The following DPY19L4 variants were observed in gnomAD, a reference collection of about 807,000 sequenced individuals.
DPY19L4 encodes probable C-mannosyltransferase DPY19L4.
In DPY19L4, 97 loss-of-function variants were observed where a neutral mutation model predicts 102.8. That is an observed-to-expected ratio of 0.94 (90% CI 0.80 to 1.12). The LOEUF is 1.12. Ranked by LOEUF, DPY19L4 falls within the 50% of genes most tolerant of loss-of-function variation. The pLI is 0.00. For missense variants in DPY19L4, 815 were observed against 850.4 expected, an observed-to-expected ratio of 0.96 and a Z score of 0.52; for synonymous variants, 252 against 283.1, an observed-to-expected ratio of 0.89 and a Z score of 1.10.
rs371429814 is a variant in DPY19L4, at chr8:94,740,258, A to G, written c.611+468A>G. The stretch of plus-strand genomic sequence containing the variant: ...AATTTGTGTTGTTTTATGCCACTAT[A>G]TGCAAAAATTGAGACATAATATGCC... On this transcript the variant is annotated intron_variant, in intron 6 of 18. Transcript: ENST00000414645. Among the ~76,000 whole-genome samples the G allele has an allele frequency of 7.9e-5, 12 of 152,280 alleles. No individual in the cohort carries two copies. In the South Asian group the frequency reaches 2.5e-3, roughly 32 times the overall value.
chr8:94,773,871 C>CAAA (rs71273373), intron 13 of DPY19L4, among the ~76,000 whole-genome samples: 8,583 of 70,282 alleles, frequency 0.12, 871 homozygotes, highest in Non-Finnish European at 0.17. Flanking sequence ...CCCATCTCTA[C>CAAA]AAAAAAAAAA....
In DPY19L4 at chr8:94,791,637, AAAGTCAGC is replaced by A. The variant is rs1409976248; in HGVS notation, c.*1728_*1735del. 1 of 152,064 alleles carries A rather than the reference AAAGTCAGC, an allele frequency of 6.6e-6. No homozygotes were observed. Among genetic ancestry groups the A allele is most frequent in the African/African-American group, 2.4e-5 (1 of 41,346 alleles). 9.4% of individuals were successfully genotyped at this position (152,064 alleles called of 1,614,324 possible). ...AGAGCATGTAAAACAATGTAATTGA[AAAGTCAGC>A]TTCCATATTTTGTAGGGGAAATAGA... On this transcript the variant is annotated 3_prime_UTR_variant, in exon 19 of 19. Coordinates refer to ENST00000414645, the MANE Select transcript of DPY19L4 (RefSeq NM_181787.3).
chr8:94,738,442 C>T lies in DPY19L4; in HGVS notation c.326C>T (p.Ala109Val). The T allele has an allele frequency of 6.5e-7, 1 of 1,549,598 alleles. No individual in the cohort carries two copies. The highest frequency in any genetic ancestry group is 8.7e-7 in the Non-Finnish European group (1 of 1,149,426). ...YYSYYKDMLKAPSFERGVYEL... is the reference protein window; with the variant it reads ...YYSYYKDMLKVPSFERGVYEL... ...TCCTATTATAAAGATATGTTAAAGG[C>T]ACCTTCATTTGAAAGAGGTATGATA... Residue 109 changes from alanine to valine, a missense_variant, in exon 4 of 19, where the codon GCA becomes GTA. Ala to Val is a moderately conservative substitution (Grantham distance 64). Coordinates refer to ENST00000414645, the MANE Select transcript of DPY19L4 (RefSeq NM_181787.3).
chr8:94,777,587 A>T, intron 13 of DPY19L4, 79 bp from the exon 14 acceptor site: 1 of 1,509,128 alleles, frequency 6.6e-7, no homozygotes, highest in Non-Finnish European at 8.9e-7. Flanking sequence ...GAGTAGTAGG[A>T]AAGAGCTCAG....
At chr8:94,724,590 T>G (rs2130781538) in intron 1 of DPY19L4, among the ~76,000 whole-genome samples, 1 of 152,274 alleles carries the variant, frequency 6.6e-6, no homozygotes, top group Non-Finnish European at 1.5e-5. Flanking sequence ...TTTTTTTGTT[T>G]TGTTTCGTTT....
chr8:94,727,265 G>T lies in DPY19L4; in HGVS notation c.127+824G>T, dbSNP rs532522538. Among the ~76,000 whole-genome samples the T allele has an allele frequency of 6.6e-5, 10 of 152,256 alleles. No individual in the cohort carries two copies. The South Asian group carries it at 1.9e-3, about 28-fold the overall frequency. ...TGATTGATTTTTGAGACAGAGTCTC[G>T]CTCTGTCACCCAGGCTGGAGTGCAG... On this transcript the variant is annotated intron_variant, in intron 2 of 18. Transcript: ENST00000414645.
In DPY19L4 at chr8:94,780,416, G is replaced by T. The variant is rs757863044; in HGVS notation, c.1632+1G>T. 8.0e-5 allele frequency: 116 copies of T among 1,449,316 alleles called. No individual in the cohort carries two copies. Among genetic ancestry groups the T allele is most frequent in the Middle Eastern group, 2.3e-4 (1 of 4,414 alleles). 89.8% of individuals were successfully genotyped at this position (1,449,316 alleles called of 1,614,324 possible). A position where few individuals can be genotyped will look rare whatever the true frequency, so the allele number is the denominator to read the frequency against. On this transcript the variant is annotated splice_donor_variant, in intron 15 of 18. Transcript: ENST00000414645. LOFTEE classifies it high-confidence loss of function. Reference sequence around the variant, plus strand: ...AATAGGTCTCAGCTTATGGAAAGAGGTAAAAAAATTAGATTTTTATATTAA... The same window carrying T: ...AATAGGTCTCAGCTTATGGAAAGAGTTAAAAAAATTAGATTTTTATATTAA...
At chr8:94,773,815 A>G (rs1468651990) in intron 13 of DPY19L4, among the ~76,000 whole-genome samples, 2 of 146,168 alleles carry the variant, frequency 1.4e-5, no homozygotes, top group Admixed American at 7.2e-5. Context: ...GCAGATGATC[A>G]CTTGAGCCCA....
intron 6 of DPY19L4, among the ~76,000 whole-genome samples, chr8:94,742,620 G>A (rs559220070): frequency 9.5e-5 from 14 of 147,476 alleles, no homozygotes; most frequent in Admixed American, 4.1e-4. Flanking sequence ...GTGCAGTGGC[G>A]CGATCTTGGC....
At chr8:94,721,495 C>T (rs1033616375) in intron 1 of DPY19L4, among the ~76,000 whole-genome samples, 2 of 152,122 alleles carry the variant, frequency 1.3e-5, no homozygotes, top group African/African-American at 4.8e-5. Context: ...GAATGTAATT[C>T]CATTTGTTTA....
chr8:94,749,836 T>C lies in DPY19L4; in HGVS notation c.612-6200T>C, dbSNP rs78294092. Among the ~76,000 whole-genome samples, 8 of 152,338 alleles carry C rather than the reference T, an allele frequency of 5.3e-5. No homozygotes were observed. In the East Asian group the frequency reaches 1.5e-3, roughly 29 times the overall value. ...AAGACATCATGTTCATTAAATGGTA[T>C]TGGGACAACCAAATCTGGAAAATAA... is the stretch of plus-strand genomic sequence containing the variant. On this transcript the variant is annotated intron_variant, in intron 6 of 18. Coordinates refer to ENST00000414645, the MANE Select transcript of DPY19L4 (RefSeq NM_181787.3).
At chr8:94,769,680 C>T (rs550627543) in intron 12 of DPY19L4, among the ~76,000 whole-genome samples, 1 of 151,412 alleles carries the variant, frequency 6.6e-6, no homozygotes, top group Admixed American at 6.6e-5. Flanking sequence ...AGTGAGACCC[C>T]CGTCTCTTAA....
At chr8:94,735,596 C>A (rs1323313330) in intron 3 of DPY19L4, among the ~76,000 whole-genome samples, 1 of 152,178 alleles carries the variant, frequency 6.6e-6, no homozygotes, top group Non-Finnish European at 1.5e-5. Context: ...GTGGGACAGG[C>A]TGCGATCAGT....
chr8:94,757,630 G>A (rs1226023802), intron 7 of DPY19L4, among the ~76,000 whole-genome samples: 7 of 151,730 alleles, frequency 4.6e-5, no homozygotes, highest in Non-Finnish European at 7.4e-5. Context: ...GTCTGGCCTC[G>A]AACTCCTGAA....
chr8:94,726,290 AT>A lies in DPY19L4; in HGVS notation c.17-37del, dbSNP rs780352450. ...TTGGCTCAGGATACAGATTAAAACA[AT>A]TTTATACACACATTGCAATAATGTC... On this transcript the variant is annotated intron_variant, in intron 1 of 18. Transcript: ENST00000414645. 4 of 1,542,506 alleles carry A rather than the reference AT, an allele frequency of 2.6e-6. No homozygotes were observed. In the African/African-American group the frequency reaches 4.2e-5, roughly 16 times the overall value.
intron 1 of DPY19L4, among the ~76,000 whole-genome samples, chr8:94,725,262 G>T (rs1810637205): frequency 6.6e-6 from 1 of 152,128 alleles, no homozygotes; most frequent in African/African-American, 2.4e-5. Flanking sequence ...ATAAATTATT[G>T]TATCACTTTA....
At chr8:94,744,577 A>G (rs1411163445) in intron 6 of DPY19L4, 6 of 455,750 alleles carry the variant, frequency 1.3e-5, no homozygotes, top group Non-Finnish European at 2.6e-5. Flanking sequence ...GAGGCTGGCT[A>G]CCACATTCAA....
Position 94,777,671 on chromosome 8 carries a change from A to G in DPY19L4, c.1460A>G (p.Lys487Arg). The G allele has an allele frequency of 1.2e-6, 2 of 1,611,862 alleles. No individual in the cohort carries two copies. The highest frequency in any genetic ancestry group is 1.1e-5 in the South Asian group (1 of 90,398). Residue 487 changes from lysine to arginine, a missense_variant, in exon 14 of 19, where the codon AAG becomes AGG. By Grantham distance (26) the Lys-to-Arg change is conservative (BLOSUM62 2). Transcript: ENST00000414645. Reference sequence around the variant, plus strand: ...ACTCCATTTGTGTTTTCTAGCTTGAAGTACATCTGGATTCCTTATGTGTGC... The same window carrying G: ...ACTCCATTTGTGTTTTCTAGCTTGAGGTACATCTGGATTCCTTATGTGTGC... ...GSLAMVIEGL[K>R]YIWIPYVCML...
At chr8:94,748,944 A>G (rs993606908) in intron 6 of DPY19L4, among the ~76,000 whole-genome samples, 1 of 152,210 alleles carries the variant, frequency 6.6e-6, no homozygotes, top group African/African-American at 2.4e-5. Context: ...AAATTTACAA[A>G]AGAAAAAGGT....
Sources: gnomAD v4.1 joint callset for allele counts (sites outside exome capture counted in the v4.1 genomes callset) on GRCh38, gnomAD v4.1.1 for gene constraint, MANE v1.5 for transcripts, NCBI Gene and HGNC (gene_info 2026-07-23, HGNC 2026-07-21) for gene names.